Variants in CSRNP2 observed in about 807,000 individuals in gnomAD.
CSRNP2 encodes cysteine and serine rich nuclear protein 2.
A neutral mutation model predicts 36.6 loss-of-function variants in CSRNP2; 11 were observed. The ratio of observed to expected loss-of-function variants is 0.30; its 90% confidence interval spans 0.19 to 0.50. The LOEUF (loss-of-function observed/expected upper bound fraction) is 0.50, where lower values mean the gene tolerates loss of function less well. Ranked by LOEUF, CSRNP2 falls within the 20% of genes least tolerant of loss-of-function variation. CSRNP2 has a pLI of 0.98. For missense variants in CSRNP2, 483 were observed against 691.4 expected (o/e 0.70, Z 3.38); for synonymous variants, 248 against 275.3 (o/e 0.90, Z 0.98).
rs980401482 is a variant in CSRNP2 at position 51,063,402 on chromosome 12, A to C, written c.*344T>G. The C allele has an allele frequency of 6.0e-6, 1 of 166,798 alleles. No individual in the cohort carries two copies. The highest frequency in any genetic ancestry group is 1.3e-5 in the Non-Finnish European group (1 of 78,588). 10.3% of individuals were successfully genotyped at this position (166,798 alleles called of 1,614,324 possible). A position where few individuals can be genotyped will look rare whatever the true frequency, so the allele number is the denominator to read the frequency against. Reference sequence around the variant, plus strand: ...GAGAAAGGGCTTTGCCATGCTCTTCAAATTCTCGTGTTCTGGTCCCTACAG... The same window carrying C: ...GAGAAAGGGCTTTGCCATGCTCTTCCAATTCTCGTGTTCTGGTCCCTACAG... On this transcript the variant is annotated 3_prime_UTR_variant, in exon 5 of 5. Coordinates refer to ENST00000228515, the MANE Select transcript of CSRNP2 (RefSeq NM_030809.3).
chr12:51,066,350 G>A (rs1938293104), intron 4 of CSRNP2, among the ~76,000 whole-genome samples: 1 of 152,028 alleles, frequency 6.6e-6, no homozygotes, highest in South Asian at 2.1e-4. Flanking sequence ...CTACTCGGGA[G>A]GCTGAGGCAG....
At position 51,063,832 on chromosome 12, in the gene CSRNP2, C is replaced by T. The variant is rs1281956094; in HGVS notation, c.1546G>A (p.Glu516Lys). 3 of 1,613,784 alleles carry T rather than the reference C, an allele frequency of 1.9e-6. No individual in the cohort carries two copies. Among genetic ancestry groups the T allele is most frequent in the East Asian group, 4.5e-5 (2 of 44,888 alleles). ...SSLPFRTDNEEGCGMVKTSQQ... is the reference protein window; with the variant it reads ...SSLPFRTDNEKGCGMVKTSQQ... ...GAGGTCTTCACCATCCCACAGCCCTCTTCATTGTCCGTGCGGAAGGGGAGG... is the reference window on the plus strand; with the variant it reads ...GAGGTCTTCACCATCCCACAGCCCTTTTCATTGTCCGTGCGGAAGGGGAGG... Residue 516 changes from glutamate (E) to lysine (K), a missense_variant, in exon 5 of 5, where the codon GAG (glutamate) becomes AAG (lysine). Glu to Lys is a moderately conservative substitution (Grantham distance 56). This residue lies in a region of CSRNP2 where 277 missense variants were observed against 323.6 expected (regional missense o/e 0.86). Coordinates refer to ENST00000228515, the MANE Select transcript of CSRNP2 (RefSeq NM_030809.3).
intron 1 of CSRNP2, among the ~76,000 whole-genome samples, chr12:51,079,542 C>A (rs1462356940): frequency 8.7e-5 from 13 of 150,062 alleles, no homozygotes; most frequent in African/African-American, 2.2e-4. Flanking sequence ...GCGGGCAGAT[C>A]ACCTGAGGCT....
chr12:51,070,444 CT>C (rs1200931305), intron 3 of CSRNP2, among the ~76,000 whole-genome samples: 2 of 152,100 alleles, frequency 1.3e-5, no homozygotes, highest in African/African-American at 4.8e-5. Flanking sequence ...TGACCTCCCC[CT>C]AAGCATACCC....
At chr12:51,070,774 A>G (rs141090285) in intron 3 of CSRNP2, among the ~76,000 whole-genome samples, 4 of 152,314 alleles carry the variant, frequency 2.6e-5, no homozygotes, top group African/African-American at 9.6e-5. Context: ...AAGGAAGACA[A>G]ACATTAGATG....
intron 3 of CSRNP2, among the ~76,000 whole-genome samples, chr12:51,071,678 T>C (rs997454458): frequency 6.6e-6 from 1 of 152,210 alleles, no homozygotes; most frequent in African/African-American, 2.4e-5. Flanking sequence ...AGCTCCTGTA[T>C]CTGTCTTGGG....
chr12:51,064,234 G>C lies in CSRNP2; in HGVS notation c.1144C>G (p.Gln382Glu), dbSNP rs1937872812. ...GAGGAGCCTGGGGGCAGCTGAGCCT[G>C]GATGAGAATGGGGGCTGTAAGGCCT... ...CPGLTAPILI[Q>E]AQLPPGSSVL... is the part of the protein sequence containing the mutation. The change falls in exon 5 of 5, where the codon CAG becomes GAG. Residue 382 changes from glutamine to glutamate, a missense_variant. This residue lies in a region of CSRNP2 where 277 missense variants were observed against 323.6 expected (regional missense o/e 0.86). Transcript: ENST00000228515. 19 of 1,613,568 alleles carry C rather than the reference G, an allele frequency of 1.2e-5. No homozygotes were observed. Among genetic ancestry groups the C allele is most frequent in the Non-Finnish European group, 1.5e-5 (18 of 1,179,808 alleles).
intron 3 of CSRNP2, among the ~76,000 whole-genome samples, chr12:51,069,725 C>T (rs1430677035): frequency 1.2e-4 from 17 of 140,678 alleles, no homozygotes; most frequent in Non-Finnish European, 2.1e-4. Context: ...CTGAGTCTCA[C>T]TCTGTCACCC....
At chr12:51,082,332 A>G (rs1939674500) in intron 1 of CSRNP2, among the ~76,000 whole-genome samples, 1 of 152,122 alleles carries the variant, frequency 6.6e-6, no homozygotes, top group Non-Finnish European at 1.5e-5. Flanking sequence ...CACTAACACA[A>G]GGTTAGAATT....
In CSRNP2 at chr12:51,067,571, A is replaced by T; in HGVS notation, c.708+102T>A. The stretch of plus-strand genomic sequence containing the variant: ...GGAACTGGAGAGTGTTCACAACCAT[A>T]GGGAATCCACCCCTGAATGGGCCTC... On this transcript the variant is annotated intron_variant, in intron 4 of 4. Coordinates refer to ENST00000228515, the MANE Select transcript of CSRNP2 (RefSeq NM_030809.3). This position sits in a 1 kb window ranked among gnomAD's most constrained non-coding sequence, Gnocchi z 4.1. 8.8e-7 allele frequency: 1 copy of T among 1,142,720 alleles called. No individual in the cohort carries two copies. The highest frequency in any genetic ancestry group is 1.3e-6 in the Non-Finnish European group (1 of 786,042). 70.8% of individuals were successfully genotyped at this position (1,142,720 alleles called of 1,614,324 possible).
Position 51,074,102 on chromosome 12 carries a change from A to G in CSRNP2, c.152-20T>C, listed in dbSNP as rs1435617761. ...ATGTGGCTGAGAAGGGAGCACAGAG[A>G]GATGTTTTATTTATTTTTCTATTTA... On this transcript the variant is annotated intron_variant, in intron 2 of 4. Transcript: ENST00000228515. The G allele has an allele frequency of 6.2e-7, 1 of 1,600,996 alleles. No homozygotes were observed. Among genetic ancestry groups the G allele is most frequent in the Non-Finnish European group, 8.5e-7 (1 of 1,175,300 alleles).
chr12:51,067,118 A>G lies in CSRNP2; in HGVS notation c.708+555T>C, dbSNP rs559153833. ...AGTGCTGGGATTACAGATGTGAGCC[A>G]CCATGCCCAGTCCTGCTTCCTTTTA... On this transcript the variant is annotated intron_variant, in intron 4 of 4. Transcript: ENST00000228515. The surrounding 1 kb of genome is among the most constrained non-coding windows in gnomAD (Gnocchi z 4.1). Among the ~76,000 whole-genome samples, 151 of 151,704 alleles carry G rather than the reference A, an allele frequency of 1.0e-3. No individual in the cohort carries two copies. Among genetic ancestry groups the G allele is most frequent in the Non-Finnish European group, 6.6e-4 (45 of 67,704 alleles).
At chr12:51,066,909 C>T (rs1938437989) in intron 4 of CSRNP2, among the ~76,000 whole-genome samples, 1 of 152,128 alleles carries the variant, frequency 6.6e-6, no homozygotes, top group Non-Finnish European at 1.5e-5. Flanking sequence ...TTACTGCAAC[C>T]TATGCCTCCC....
chr12:51,066,955 G>A (rs1938443656), intron 4 of CSRNP2, among the ~76,000 whole-genome samples: 1 of 146,122 alleles, frequency 6.8e-6, no homozygotes, highest in African/African-American at 2.5e-5. Context: ...TCAGCCTCTT[G>A]AGTACCTGGG....
intron 3 of CSRNP2, among the ~76,000 whole-genome samples, chr12:51,072,221 A>G (rs1206038039): frequency 6.6e-6 from 1 of 152,078 alleles, no homozygotes; most frequent in East Asian, 1.9e-4. Flanking sequence ...AATTTTTGAG[A>G]GGTAGTAGCA....
Position 51,061,960 on chromosome 12 carries a change from A to C in CSRNP2, c.*1786T>G, listed in dbSNP as rs1027281847. 2.0e-5 allele frequency: 3 copies of C among 152,322 alleles called. No homozygotes were observed. Among genetic ancestry groups the C allele is most frequent in the African/African-American group, 7.2e-5 (3 of 41,568 alleles). 9.4% of individuals were successfully genotyped at this position (152,322 alleles called of 1,614,324 possible). Reference sequence around the variant, plus strand: ...CAGTTCTGGGTAGCTTCGAGAGCTCAGGTACTTAAAAGACTCTCAACTGTG... The same window carrying C: ...CAGTTCTGGGTAGCTTCGAGAGCTCCGGTACTTAAAAGACTCTCAACTGTG... On this transcript the variant is annotated 3_prime_UTR_variant, in exon 5 of 5. Transcript: ENST00000228515.
chr12:51,076,626 G>A lies in CSRNP2; in HGVS notation c.-65C>T. 1.3e-6 allele frequency: 2 copies of A among 1,582,054 alleles called. No individual in the cohort carries two copies. The highest frequency in any genetic ancestry group is 1.7e-6 in the Non-Finnish European group (2 of 1,153,328). On this transcript the variant is annotated 5_prime_UTR_variant, in exon 2 of 5. Coordinates refer to ENST00000228515, the MANE Select transcript of CSRNP2 (RefSeq NM_030809.3). ...GCCCCAAAGCCCCTACTCACCACCA[G>A]CTAGCCAGGTACATTAGGATTCTGC...
In CSRNP2 at chr12:51,067,647, A is replaced by G. The variant is rs1592749993; in HGVS notation, c.708+26T>C. ...ACCCCGCTGACCCTGGTGTAGATAT[A>G]CTATCTCAGGCCAACTTGGACTGAC... is the stretch of plus-strand genomic sequence containing the variant. On this transcript the variant is annotated intron_variant, in intron 4 of 4. Coordinates refer to ENST00000228515, the MANE Select transcript of CSRNP2 (RefSeq NM_030809.3). This position sits in a 1 kb window ranked among gnomAD's most constrained non-coding sequence, Gnocchi z 4.1. 1.2e-6 allele frequency: 2 copies of G among 1,604,002 alleles called. No individual in the cohort carries two copies. Among genetic ancestry groups the G allele is most frequent in the African/African-American group, 1.3e-5 (1 of 74,768 alleles).
At chr12:51,076,280 G>A (rs1002853844) in intron 2 of CSRNP2, 131 bp downstream of exon 2, 117 of 929,492 alleles carry the variant, frequency 1.3e-4, no homozygotes, top group Non-Finnish European at 8.4e-5. Context: ...GAGAAATGAG[G>A]TCCTCCAAAG....
Sources: gnomAD v4.1 joint callset for allele counts (sites outside exome capture counted in the v4.1 genomes callset) on GRCh38, gnomAD v4.1.1 for gene constraint, gnomAD v4.1.1 regional missense constraint, Gnocchi (gnomAD v3.1) non-coding constraint, MANE v1.5 for transcripts, NCBI Gene and HGNC (gene_info 2026-07-23, HGNC 2026-07-21) for gene names.